VEPH1: variants seen among roughly 807,000 people sequenced by gnomAD.
VEPH1 encodes ventricular zone expressed PH domain containing 1.
In VEPH1, 80 loss-of-function variants were observed where a neutral mutation model predicts 85.2. That is an observed-to-expected ratio of 0.94 (90% confidence interval 0.78 to 1.13). The LOEUF (loss-of-function observed/expected upper bound fraction) is 1.13, where lower values mean the gene tolerates loss of function less well. Among genes scored for constraint, VEPH1 ranks in the 50% most tolerant of loss-of-function variants. The pLI is 0.00. For synonymous variants in VEPH1, 297 were observed against 348.0 expected (o/e 0.85, Z 1.63); for missense variants, 955 against 980.5 (o/e 0.97, Z 0.35).
At chr3:157,442,680 T>C in intron 4 of VEPH1, 6 of 1,614,200 alleles carry the variant, frequency 3.7e-6, no homozygotes. Flanking sequence ...GCTCACATCC[T>C]TGTGGGTAAA....
At chr3:157,431,936 T>C (rs1401887023) in intron 4 of VEPH1, among the ~76,000 whole-genome samples, 1 of 151,866 alleles carries the variant, frequency 6.6e-6, no homozygotes, top group Admixed American at 6.6e-5. Context: ...CAACCTCCGC[T>C]TCATGGGTTC....
chr3:157,318,833 C>A (rs1474958279), intron 9 of VEPH1, among the ~76,000 whole-genome samples: 4 of 151,746 alleles, frequency 2.6e-5, no homozygotes, highest in African/African-American at 9.7e-5. Flanking sequence ...AATCCCTGAG[C>A]CCAGGAGTTC....
intron 7 of VEPH1, among the ~76,000 whole-genome samples, chr3:157,365,165 A>G (rs1726496805): frequency 6.6e-6 from 1 of 152,212 alleles, no homozygotes; most frequent in African/African-American, 2.4e-5. Flanking sequence ...GAGGGCTAAC[A>G]GTGCCTTAGC....
intron 9 of VEPH1, among the ~76,000 whole-genome samples, chr3:157,359,095 C>A (rs1263290816): frequency 6.6e-6 from 1 of 152,200 alleles, no homozygotes; most frequent in African/African-American, 2.4e-5. Context: ...TATAAGTCAG[C>A]CTTGCTGATA....
intron 11 of VEPH1, among the ~76,000 whole-genome samples, chr3:157,295,148 G>A (rs1051968922): frequency 5.9e-5 from 9 of 152,172 alleles, no homozygotes; most frequent in African/African-American, 2.2e-4. Context: ...TTCTCATCAT[G>A]TTGCCCCAGG....
chr3:157,361,963 T>C (rs1382816795), intron 9 of VEPH1, among the ~76,000 whole-genome samples: 1 of 152,206 alleles, frequency 6.6e-6, no homozygotes, highest in Admixed American at 6.5e-5. Context: ...CGTTCCACTA[T>C]GACTCAGTAA....
At chr3:157,435,098 T>C (rs946797010) in intron 4 of VEPH1, among the ~76,000 whole-genome samples, 28 of 152,130 alleles carry the variant, frequency 1.8e-4, no homozygotes, top group African/African-American at 6.5e-4. Flanking sequence ...GAAGTTTTAT[T>C]TGGTTCTTTA....
intron 6 of VEPH1, among the ~76,000 whole-genome samples, chr3:157,392,187 C>T (rs1210298111): frequency 6.6e-6 from 1 of 152,178 alleles, no homozygotes; most frequent in Non-Finnish European, 1.5e-5. Flanking sequence ...AAGCAACCAG[C>T]TAACAACTTC....
At chr3:157,503,496 C>A (rs1423240706), upstream of VEPH1, 1 of 152,204 alleles carries the variant, frequency 6.6e-6, no homozygotes, top group South Asian at 2.1e-4. Flanking sequence ...AAATGAGTAA[C>A]TTTTCTTCTC....
intron 3 of VEPH1, among the ~76,000 whole-genome samples, chr3:157,469,924 C>T (rs955659432): frequency 6.6e-6 from 1 of 152,152 alleles, no homozygotes; most frequent in African/African-American, 2.4e-5. Context: ...TGCTAGGTCC[C>T]GAGCGCACTG....
At chr3:157,383,050 C>T (rs1248140078) in intron 6 of VEPH1, among the ~76,000 whole-genome samples, 2 of 152,058 alleles carry the variant, frequency 1.3e-5, no homozygotes, top group African/African-American at 4.8e-5. Flanking sequence ...GTTGCCCAGG[C>T]TGGCCTGGGC....
chr3:157,412,431 C>T (rs919073898), intron 6 of VEPH1, among the ~76,000 whole-genome samples: 4 of 152,070 alleles, frequency 2.6e-5, no homozygotes, highest in Non-Finnish European at 4.4e-5. Context: ...AAAGAATTAC[C>T]ATTAAATTGC....
At chr3:157,280,183 T>C (rs1715918539) in intron 12 of VEPH1, among the ~76,000 whole-genome samples, 1 of 152,146 alleles carries the variant, frequency 6.6e-6, no homozygotes, top group South Asian at 2.1e-4. Flanking sequence ...CTAAGTATTT[T>C]ATTTTAAAAA....
chr3:157,414,174 A>AC, intron 5 of VEPH1, 84 bp from the exon 6 acceptor site: 1 of 1,141,810 alleles, frequency 8.8e-7, no homozygotes. Context: ...TTGAAAGCAA[A>AC]CTTTTTTTGC....
intron 10 of VEPH1, 38 bp from the exon 11 acceptor site, chr3:157,313,793 G>A: frequency 6.2e-7 from 1 of 1,609,930 alleles, no homozygotes; most frequent in Non-Finnish European, 8.5e-7. Flanking sequence ...AATATACTAT[G>A]TCTTGTCCCA....
chr3:157,492,503 T>C (rs1739309624), intron 2 of VEPH1, among the ~76,000 whole-genome samples: 1 of 152,162 alleles, frequency 6.6e-6, no homozygotes, highest in South Asian at 2.1e-4. Flanking sequence ...TTCTTTGTCA[T>C]GGAAAAACCC....
chr3:157,279,436 T>A (rs967132370), intron 12 of VEPH1, among the ~76,000 whole-genome samples: 5 of 151,906 alleles, frequency 3.3e-5, no homozygotes, highest in Non-Finnish European at 5.9e-5. Context: ...TTAGAGAGGG[T>A]TGAGTCATGA....
chr3:157,456,263 C>A (rs1304818454), intron 4 of VEPH1, among the ~76,000 whole-genome samples: 4 of 151,948 alleles, frequency 2.6e-5, no homozygotes, highest in Admixed American at 2.0e-4. Flanking sequence ...GATATTAGAC[C>A]TTTGTCAGAT....
At chr3:157,293,253 CAT>C (rs767470651) in intron 11 of VEPH1, among the ~76,000 whole-genome samples, 3 of 152,262 alleles carry the variant, frequency 2.0e-5, no homozygotes, top group Non-Finnish European at 2.9e-5. Flanking sequence ...TGGAAGGACT[CAT>C]AGTGCATTTC....
Sources: gnomAD v4.1 joint callset for allele counts (sites outside exome capture counted in the v4.1 genomes callset) on GRCh38, gnomAD v4.1.1 for gene constraint, MANE v1.5 for transcripts, NCBI Gene and HGNC (gene_info 2026-07-23, HGNC 2026-07-21) for gene names.